Variants in ELAVL3 observed in about 807,000 individuals in gnomAD.
ELAVL3 encodes the protein ELAV like RNA binding protein 3.
Under a neutral mutation model 34.2 loss-of-function variants are expected in ELAVL3, and 8 were observed. The observed-to-expected ratio is 0.23, with a 90% CI of 0.14 to 0.42. The LOEUF (loss-of-function observed/expected upper bound fraction) is 0.42. Ranked by LOEUF, ELAVL3 falls within the 10% of genes least tolerant of loss-of-function variation. ELAVL3 has a pLI of 1.00. For missense variants in ELAVL3, 273 were observed against 518.8 expected (o/e 0.53, Z 4.60); for synonymous variants, 209 against 222.1 (o/e 0.94, Z 0.53).
At chr19:11,465,257 C>A (rs552528472) in intron 3 of ELAVL3, among the ~76,000 whole-genome samples, 5 of 100,228 alleles carry the variant, frequency 5.0e-5, no homozygotes, top group Non-Finnish European at 9.4e-5. Flanking sequence ...ACATACACAC[C>A]GCACACATAC....
intron 1 of ELAVL3, among the ~76,000 whole-genome samples, chr19:11,479,757 C>A (rs1186842509): frequency 6.6e-6 from 1 of 151,720 alleles, no homozygotes; most frequent in Non-Finnish European, 1.5e-5. Flanking sequence ...GCTGAAAGCA[C>A]CGAGCGCGGG....
intron 3 of ELAVL3, among the ~76,000 whole-genome samples, chr19:11,460,590 C>T (rs1970862834): frequency 6.6e-6 from 1 of 151,986 alleles, no homozygotes; most frequent in Non-Finnish European, 1.5e-5. Context: ...CCATTTTTCC[C>T]AAACACACCA....
chr19:11,456,447 C>A (rs1053528552), intron 6 of ELAVL3, among the ~76,000 whole-genome samples: 1 of 151,898 alleles, frequency 6.6e-6, no homozygotes, highest in African/African-American at 2.4e-5. Context: ...CCATTCATTT[C>A]TCTGTCTCCT....
intron 3 of ELAVL3, among the ~76,000 whole-genome samples, chr19:11,461,373 T>A (rs1970880364): frequency 1.3e-5 from 2 of 152,096 alleles, no homozygotes; most frequent in South Asian, 4.1e-4. Flanking sequence ...GCTCAGTGGG[T>A]GACCTGTCAC....
At chr19:11,468,094 T>C (rs1043675172) in intron 1 of ELAVL3, among the ~76,000 whole-genome samples, 6 of 152,090 alleles carry the variant, frequency 3.9e-5, no homozygotes, top group Admixed American at 6.6e-5. Context: ...CTGGCCCTTT[T>C]AGTAGCTTTG....
chr19:11,480,261 G>C lies in ELAVL3; in HGVS notation c.9+339C>G, dbSNP rs984065954. ...CCCTGCGTTTGCCTGGGCGGCCTGC[G>C]GGGTCTGGGCCTGGATGGAGGAAGC... is the stretch of plus-strand genomic sequence containing the variant. On this transcript the variant is annotated intron_variant, in intron 1 of 6. Transcript: ENST00000359227. This position sits in a 1 kb window ranked among gnomAD's most constrained non-coding sequence, Gnocchi z 6.8. 173 of 302,736 alleles carry C rather than the reference G, an allele frequency of 5.7e-4. No homozygotes were observed. Among genetic ancestry groups the C allele is most frequent in the Non-Finnish European group, 8.7e-4 (143 of 164,434 alleles). 18.8% of individuals were successfully genotyped at this position (302,736 alleles called of 1,614,324 possible). A position where few individuals can be genotyped will look rare whatever the true frequency, so the allele number is the denominator to read the frequency against.
chr19:11,472,934 G>A (rs1971193943), intron 1 of ELAVL3, among the ~76,000 whole-genome samples: 1 of 152,022 alleles, frequency 6.6e-6, no homozygotes, highest in Non-Finnish European at 1.5e-5. Flanking sequence ...AGGTGGGGTG[G>A]TGGGCACCTG....
At chr19:11,465,282 CA>C (rs1446261098) in intron 3 of ELAVL3, among the ~76,000 whole-genome samples, 5 of 141,592 alleles carry the variant, frequency 3.5e-5, no homozygotes, top group African/African-American at 1.4e-4. Context: ...CACACATACA[CA>C]CACACACACC....
chr19:11,478,867 C>T (rs1971313631), intron 1 of ELAVL3, among the ~76,000 whole-genome samples: 1 of 152,176 alleles, frequency 6.6e-6, no homozygotes, highest in African/African-American at 2.4e-5. Flanking sequence ...ATACCGGCGA[C>T]AATAGGGCAT....
intron 3 of ELAVL3, among the ~76,000 whole-genome samples, chr19:11,465,585 G>C (rs945409226): frequency 1.4e-5 from 2 of 145,508 alleles, no homozygotes; most frequent in Non-Finnish European, 2.9e-5. Context: ...GGCCAGATGG[G>C]CCACCCCCCC....
Position 11,451,984 on chromosome 19 carries a change from T to C in ELAVL3, c.*2542A>G, listed in dbSNP as rs554136591. 1 of 152,290 alleles carries C rather than the reference T, an allele frequency of 6.6e-6. No individual in the cohort carries two copies. Among genetic ancestry groups the C allele is most frequent in the Non-Finnish European group, 1.5e-5 (1 of 68,012 alleles). 9.4% of individuals were successfully genotyped at this position (152,290 alleles called of 1,614,324 possible). On this transcript the variant is annotated 3_prime_UTR_variant, in exon 7 of 7. Transcript: ENST00000359227. ...AGAGACAGCAGGGGAGAGGGGTCCC[T>C]GCCCTGCTGCAGGGGAGAGGAGAGA...
At chr19:11,463,837 C>T (rs939952984) in intron 3 of ELAVL3, among the ~76,000 whole-genome samples, 1 of 151,704 alleles carries the variant, frequency 6.6e-6, no homozygotes, top group Non-Finnish European at 1.5e-5. Context: ...GGTGTGGTGG[C>T]GGGTGCCTGT....
At chr19:11,464,165 A>ATTTTTTTT (rs1463453278) in intron 3 of ELAVL3, among the ~76,000 whole-genome samples, 1 of 111,062 alleles carries the variant, frequency 9.0e-6, no homozygotes, top group African/African-American at 4.5e-5. Flanking sequence ...ATATATATAT[A>ATTTTTTTT]TATTTTTTTT....
intron 6 of ELAVL3, among the ~76,000 whole-genome samples, chr19:11,456,396 G>A (rs1035903472): frequency 8.5e-5 from 13 of 152,096 alleles, no homozygotes; most frequent in African/African-American, 2.4e-4. Context: ...GAGCCACCGC[G>A]CCCGGCCTCT....
In ELAVL3 at chr19:11,454,497, G is replaced by T; in HGVS notation, c.*29C>A. ...TCTCTCTCTCTCTCTGCTGCCCGGG[G>T]AGGGGGTGGGAGGGCAGGCGGGGTG... On this transcript the variant is annotated 3_prime_UTR_variant, in exon 7 of 7. Transcript: ENST00000359227. The surrounding 1 kb of genome is among the most constrained non-coding windows in gnomAD (Gnocchi z 9.2). 1 of 1,527,414 alleles carries T rather than the reference G, an allele frequency of 6.5e-7. No individual in the cohort carries two copies. The highest frequency in any genetic ancestry group is 8.8e-7 in the Non-Finnish European group (1 of 1,132,796). The allele number at this position is 1,527,414 out of a possible 1,614,324, so 94.6% of individuals were successfully genotyped here.
chr19:11,473,740 T>G (rs1198071422), intron 1 of ELAVL3, among the ~76,000 whole-genome samples: 1 of 152,204 alleles, frequency 6.6e-6, no homozygotes, highest in East Asian at 1.9e-4. Context: ...GATTTGCATA[T>G]GAGTTTTTCT....
chr19:11,452,014 A>G lies in ELAVL3; in HGVS notation c.*2512T>C, dbSNP rs1418316255. Reference sequence around the variant, plus strand: ...TGCTGCAGGGGAGAGGAGAGAGGGCAGGGAGGACTTAAAACCACGAGAATA... The same window carrying G: ...TGCTGCAGGGGAGAGGAGAGAGGGCGGGGAGGACTTAAAACCACGAGAATA... On this transcript the variant is annotated 3_prime_UTR_variant, in exon 7 of 7. Coordinates refer to ENST00000359227, the MANE Select transcript of ELAVL3 (RefSeq NM_001420.4). 1.3e-5 allele frequency: 2 copies of G among 152,240 alleles called. No homozygotes were observed. Among genetic ancestry groups the G allele is most frequent in the African/African-American group, 2.4e-5 (1 of 41,448 alleles). 9.4% of individuals were successfully genotyped at this position (152,240 alleles called of 1,614,324 possible).
In ELAVL3 at chr19:11,454,457, CTCTCTCTCTCTT is replaced by C. The variant is rs1970723406; in HGVS notation, c.*57_*68del. 12 of 1,386,940 alleles carry C rather than the reference CTCTCTCTCTCTT, an allele frequency of 8.7e-6. No homozygotes were observed. The highest frequency in any genetic ancestry group is 2.5e-5 in the East Asian group (1 of 39,838). The allele number at this position is 1,386,940 out of a possible 1,614,324, so 85.9% of individuals were successfully genotyped here. On this transcript the variant is annotated 3_prime_UTR_variant, in exon 7 of 7. Transcript: ENST00000359227. The surrounding 1 kb of genome is among the most constrained non-coding windows in gnomAD (Gnocchi z 9.2). ...TGTCTCTCTTGGGCCCCTTCTCTCTCTCTCTCTCTCTTTCTCTCTCTCTCTCTCTGCTGCCCG... is the reference window on the plus strand; with the variant it reads ...TGTCTCTCTTGGGCCCCTTCTCTCTCTCTCTCTCTCTCTCTCTGCTGCCCG...
rs1253681917 is a variant in ELAVL3, at chr19:11,470,559, C to T, written c.10-3732G>A. On this transcript the variant is annotated intron_variant, in intron 1 of 6. Coordinates refer to ENST00000359227, the MANE Select transcript of ELAVL3 (RefSeq NM_001420.4). ...GGGCGTGGTGGCGCATGTCTGTAATCCCAGCTACTCAGGAGGCTGAGGCAG... is the reference window on the plus strand; with the variant it reads ...GGGCGTGGTGGCGCATGTCTGTAATTCCAGCTACTCAGGAGGCTGAGGCAG... 2.0e-5 allele frequency among the ~76,000 whole-genome samples: 3 copies of T among 151,358 alleles called. 1 individual carries two copies. In the South Asian group the frequency reaches 6.3e-4, roughly 32 times the overall value.
Sources: allele counts gnomAD v4.1 joint callset (sites outside exome capture counted in the v4.1 genomes callset), GRCh38; gene constraint gnomAD v4.1.1; non-coding constraint Gnocchi (gnomAD v3.1); transcripts MANE v1.5; gene names NCBI Gene and HGNC (gene_info 2026-07-23, HGNC 2026-07-21).